Variants in COL19A1 observed in about 807,000 individuals in gnomAD.
COL19A1 encodes the protein collagen type XIX alpha 1 chain.
Under a neutral mutation model 190.2 loss-of-function variants are expected in COL19A1, and 159 were observed. That is an observed-to-expected ratio of 0.84 (90% CI 0.73 to 0.95). The LOEUF (loss-of-function observed/expected upper bound fraction) is 0.95, where lower values mean the gene tolerates loss of function less well. Among genes scored for constraint, COL19A1 ranks in the 40% least tolerant of loss-of-function variants. The pLI, the probability that COL19A1 is intolerant of heterozygous loss-of-function variation, is 0.00. For synonymous variants in COL19A1, 509 were observed against 458.9 expected (o/e 1.11, Z -1.39); for missense variants, 1,418 against 1,431.9 (o/e 0.99, Z 0.16).
chr6:70,057,928 T>A (rs754167343), intron 14 of COL19A1, among the ~76,000 whole-genome samples: 18 of 152,038 alleles, frequency 1.2e-4, no homozygotes, highest in Non-Finnish European at 2.4e-4. Flanking sequence ...CAAGGCACAC[T>A]GCTGGATAAT....
At chr6:70,023,753 A>G (rs1778579252) in intron 12 of COL19A1, 73 bp downstream of exon 12, 2 of 1,422,014 alleles carry the variant, frequency 1.4e-6, no homozygotes, top group Non-Finnish European at 1.9e-6. Context: ...TGCTATTAAG[A>G]TTTGCCTATT....
At chr6:70,019,478 C>T (rs1189236116) in intron 11 of COL19A1, among the ~76,000 whole-genome samples, 1 of 152,040 alleles carries the variant, frequency 6.6e-6, no homozygotes, top group Admixed American at 6.6e-5. Context: ...TTAACTTGAA[C>T]CAGTAAGTTC....
intron 11 of COL19A1, among the ~76,000 whole-genome samples, chr6:70,000,037 T>C (rs1451661493): frequency 6.6e-6 from 1 of 151,950 alleles, no homozygotes; most frequent in Non-Finnish European, 1.5e-5. Flanking sequence ...CAACAGCCCC[T>C]GGCCCTGGTG....
Position 70,140,631 on chromosome 6 carries a change from G to A in COL19A1, c.1447-323G>A, listed in dbSNP as rs78402440. On this transcript the variant is annotated intron_variant, in intron 19 of 50. Transcript: ENST00000620364. The stretch of plus-strand genomic sequence containing the variant: ...TCCCATTTCACATTCAATTGGATGT[G>A]TGTGTGTGATCGTTTTCTATGTGGA... Among the ~76,000 whole-genome samples the A allele has an allele frequency of 7.4e-3, 1,119 of 152,142 alleles. 3 individuals carry two copies. The highest frequency in any genetic ancestry group is 9.7e-3 in the Non-Finnish European group (658 of 67,974).
intron 16 of COL19A1, among the ~76,000 whole-genome samples, chr6:70,106,323 T>C (rs1427001522): frequency 1.3e-5 from 1 of 77,640 alleles, no homozygotes; most frequent in African/African-American, 4.7e-5. Flanking sequence ...AATAGCTAAG[T>C]GTGTGCGTGT....
intron 9 of COL19A1, among the ~76,000 whole-genome samples, chr6:69,950,241 C>G (rs1424422518): frequency 6.6e-6 from 1 of 151,730 alleles, no homozygotes; most frequent in Non-Finnish European, 1.5e-5. Context: ...AAATAGTACA[C>G]TAAACAACAC....
intron 44 of COL19A1, among the ~76,000 whole-genome samples, chr6:70,184,349 A>T (rs1240333591): frequency 6.6e-6 from 1 of 152,244 alleles, no homozygotes; most frequent in Admixed American, 6.5e-5. Context: ...CTAATAGAAG[A>T]ATAAGAAAGG....
At position 70,066,544 on chromosome 6, in the gene COL19A1, A is replaced by G. The variant is rs1781219261; in HGVS notation, c.1171-1879A>G. 2.0e-5 allele frequency among the ~76,000 whole-genome samples: 3 copies of G among 152,114 alleles called. No homozygotes were observed. The South Asian group carries it at 6.2e-4, about 32-fold the overall frequency. ...GCACACCAACATGGCACATGTATAC[A>G]TATGTAACAAACCTGCACGTTGTGC... On this transcript the variant is annotated intron_variant, in intron 14 of 50. Transcript: ENST00000620364.
intron 11 of COL19A1, among the ~76,000 whole-genome samples, chr6:70,010,375 G>A (rs1033883362): frequency 1.6e-5 from 2 of 124,720 alleles, no homozygotes; most frequent in Non-Finnish European, 3.6e-5. Context: ...GGCCGAATAG[G>A]AACAGCTCCG....
intron 15 of COL19A1, among the ~76,000 whole-genome samples, chr6:70,082,080 T>C (rs966937839): frequency 1.3e-5 from 2 of 152,174 alleles, no homozygotes; most frequent in African/African-American, 4.8e-5. Flanking sequence ...TTTAACAAGT[T>C]TGATAAAACA....
At chr6:70,048,046 T>G (rs1256700114) in intron 14 of COL19A1, among the ~76,000 whole-genome samples, 1 of 152,140 alleles carries the variant, frequency 6.6e-6, no homozygotes, top group Non-Finnish European at 1.5e-5. Flanking sequence ...AAGCCAAAGG[T>G]TAAGTCTGTC....
intron 4 of COL19A1, among the ~76,000 whole-genome samples, chr6:69,922,989 G>C (rs563483854): frequency 6.6e-6 from 1 of 152,180 alleles, no homozygotes; most frequent in African/African-American, 2.4e-5. Context: ...ACTGGTGACT[G>C]CATGACTATC....
chr6:69,979,623 C>T (rs1468395134), intron 11 of COL19A1, among the ~76,000 whole-genome samples: 3 of 151,658 alleles, frequency 2.0e-5, no homozygotes, highest in Admixed American at 2.0e-4. Flanking sequence ...CATTACTTCA[C>T]AAGAAAATTA....
chr6:69,893,909 A>G (rs1405427533), intron 2 of COL19A1, among the ~76,000 whole-genome samples: 1 of 152,156 alleles, frequency 6.6e-6, no homozygotes, highest in African/African-American at 2.4e-5. Context: ...AAACTCAACC[A>G]ATTGTCAACC....
chr6:69,929,830 T>C, intron 6 of COL19A1, 130 bp downstream of exon 6: 1 of 855,016 alleles, frequency 1.2e-6, no homozygotes, highest in South Asian at 2.3e-5. Flanking sequence ...TTTAATTAAT[T>C]TGCCGTCAGA....
At chr6:70,153,612 T>TATTG (rs1787225272) in intron 31 of COL19A1, among the ~76,000 whole-genome samples, 1 of 152,206 alleles carries the variant, frequency 6.6e-6, no homozygotes, top group Non-Finnish European at 1.5e-5. Flanking sequence ...TTAAACAGTC[T>TATTG]ATTGAATAAT....
intron 11 of COL19A1, among the ~76,000 whole-genome samples, chr6:70,006,034 G>A (rs188533602): frequency 7.4e-4 from 113 of 152,234 alleles, no homozygotes; most frequent in African/African-American, 2.6e-3. Context: ...AAAAGCCCTT[G>A]AAAAGGGCTT....
chr6:70,016,911 G>T (rs529582895), intron 11 of COL19A1, among the ~76,000 whole-genome samples: 1 of 152,030 alleles, frequency 6.6e-6, no homozygotes, highest in African/African-American at 2.4e-5. Flanking sequence ...ACTGCTGATG[G>T]GAATGTAAAA....
chr6:70,104,020 A>G (rs1783801999), intron 16 of COL19A1, among the ~76,000 whole-genome samples: 1 of 152,198 alleles, frequency 6.6e-6, no homozygotes, highest in Admixed American at 6.5e-5. Flanking sequence ...GTACCCTAGG[A>G]ATCTCTTAGG....
Sources: gnomAD v4.1 joint callset for allele counts (sites outside exome capture counted in the v4.1 genomes callset) on GRCh38, gnomAD v4.1.1 for gene constraint, MANE v1.5 for transcripts, NCBI Gene and HGNC (gene_info 2026-07-23, HGNC 2026-07-21) for gene names.